Variants in MORC1 observed in about 807,000 individuals in gnomAD.
The protein encoded by MORC1 is MORC family CW-type zinc finger 1.
A neutral mutation model predicts 134.9 loss-of-function variants in MORC1; 59 were observed. The ratio of observed to expected loss-of-function variants is 0.44; its 90% CI spans 0.35 to 0.54. The LOEUF (loss-of-function observed/expected upper bound fraction) is 0.54. MORC1 is among the 20% of genes least tolerant of loss of function. The pLI, the probability that MORC1 is intolerant of heterozygous loss-of-function variation, is 0.00. For missense variants in MORC1, 947 were observed against 1,134.5 expected (o/e 0.83, Z 2.37); for synonymous variants, 395 against 391.7 (o/e 1.01, Z -0.10).
intron 12 of MORC1, among the ~76,000 whole-genome samples, chr3:109,058,447 C>G (rs1434483890): frequency 2.0e-5 from 3 of 152,142 alleles, no homozygotes; most frequent in Non-Finnish European, 4.4e-5. Context: ...GCTCCCCTCT[C>G]TCCACAAACT....
intron 8 of MORC1, among the ~76,000 whole-genome samples, chr3:109,092,323 G>A: frequency 6.6e-6 from 1 of 152,210 alleles, no homozygotes; most frequent in East Asian, 1.9e-4. Context: ...GCAATAAGGA[G>A]AGAAGGTAAT....
At chr3:109,085,922 T>C (rs1415491708) in intron 8 of MORC1, among the ~76,000 whole-genome samples, 1 of 152,084 alleles carries the variant, frequency 6.6e-6, no homozygotes, top group Non-Finnish European at 1.5e-5. Context: ...TAAAAAAGTA[T>C]GAAATCCTGT....
At chr3:109,078,284 A>T (rs1950459926) in intron 8 of MORC1, among the ~76,000 whole-genome samples, 2 of 152,070 alleles carry the variant, frequency 1.3e-5, no homozygotes, top group African/African-American at 4.8e-5. Context: ...AATGTTTAAG[A>T]CATAAGCCCA....
Position 109,060,002 on chromosome 3 carries a change from T to C in MORC1, c.967-132A>G, listed in dbSNP as rs116731292. 1,071 of 670,938 alleles carry C rather than the reference T, an allele frequency of 1.6e-3. 20 individuals are homozygous for C. The African/African-American group carries it at 0.018, about 11-fold the overall frequency. The allele number at this position is 670,938 out of a possible 1,614,324, so 41.6% of individuals were successfully genotyped here. A position where few individuals can be genotyped will look rare whatever the true frequency, so the allele number is the denominator to read the frequency against. On this transcript the variant is annotated intron_variant, in intron 11 of 27. Transcript: ENST00000232603. Reference sequence around the variant, plus strand: ...ATTACCTAATGCAATTCTACCATCATAGATTCTCAATACTTGATAAATTAT... The same window carrying C: ...ATTACCTAATGCAATTCTACCATCACAGATTCTCAATACTTGATAAATTAT...
At chr3:109,085,094 G>T (rs1286476109) in intron 8 of MORC1, among the ~76,000 whole-genome samples, 3 of 151,856 alleles carry the variant, frequency 2.0e-5, no homozygotes, top group Admixed American at 1.3e-4. Context: ...AAATTGATCT[G>T]GGCAAAGGGG....
At chr3:109,100,900 G>T (rs1950913328) in intron 4 of MORC1, among the ~76,000 whole-genome samples, 1 of 152,258 alleles carries the variant, frequency 6.6e-6, no homozygotes, top group Non-Finnish European at 1.5e-5. Flanking sequence ...AAAGTATACA[G>T]GAGGATATAT....
At chr3:109,108,130 A>G (rs1248916755) in intron 3 of MORC1, among the ~76,000 whole-genome samples, 1 of 152,186 alleles carries the variant, frequency 6.6e-6, no homozygotes, top group Non-Finnish European at 1.5e-5. Flanking sequence ...CGGAGGTTGC[A>G]ATGAGCCGAG....
intron 20 of MORC1, among the ~76,000 whole-genome samples, chr3:109,004,080 AATAAG>A (rs1948479074): frequency 1.3e-5 from 2 of 152,018 alleles, no homozygotes; most frequent in South Asian, 2.1e-4. Context: ...AAAAAATAAG[AATAAG>A]AATAAGAATA....
chr3:109,049,472 G>A (rs1031977013), intron 14 of MORC1, among the ~76,000 whole-genome samples: 2 of 152,096 alleles, frequency 1.3e-5, no homozygotes, highest in Non-Finnish European at 2.9e-5. Flanking sequence ...TGAAGTCATA[G>A]AGAAAATACT....
intron 21 of MORC1, among the ~76,000 whole-genome samples, chr3:108,992,459 T>C (rs1948090461): frequency 6.6e-6 from 1 of 152,196 alleles, no homozygotes; most frequent in Non-Finnish European, 1.5e-5. Context: ...TATTTACTCT[T>C]ACTACTGTCA....
intron 14 of MORC1, among the ~76,000 whole-genome samples, chr3:109,041,979 T>C (rs1949564827): frequency 6.6e-6 from 1 of 151,454 alleles, no homozygotes; most frequent in Non-Finnish European, 1.5e-5. Context: ...GAACAGAGCC[T>C]AAGAACTAGA....
chr3:109,074,352 A>G (rs564008525), intron 8 of MORC1, among the ~76,000 whole-genome samples: 5 of 152,196 alleles, frequency 3.3e-5, no homozygotes, highest in Admixed American at 6.5e-5. Flanking sequence ...TAATATTTGT[A>G]ATGTTTTGAA....
chr3:108,975,830 G>C (rs1459506496), intron 24 of MORC1, among the ~76,000 whole-genome samples: 1 of 151,834 alleles, frequency 6.6e-6, no homozygotes, highest in Non-Finnish European at 1.5e-5. Flanking sequence ...CAATGTTTAG[G>C]ATCATCTGAT....
chr3:109,081,856 T>C (rs1052330790), intron 8 of MORC1, among the ~76,000 whole-genome samples: 9 of 152,068 alleles, frequency 5.9e-5, no homozygotes, highest in Admixed American at 2.0e-4. Flanking sequence ...CCAGAAAAAG[T>C]GAGAGCAAGG....
chr3:108,990,609 A>G (rs1245585191), intron 21 of MORC1, among the ~76,000 whole-genome samples: 2 of 152,170 alleles, frequency 1.3e-5, no homozygotes. Flanking sequence ...ACTTGTCATT[A>G]TCTACCATAC....
intron 8 of MORC1, among the ~76,000 whole-genome samples, chr3:109,091,727 A>G (rs1205224285): frequency 6.6e-6 from 1 of 152,124 alleles, no homozygotes; most frequent in African/African-American, 2.4e-5. Flanking sequence ...ATTCCTCCTT[A>G]TAAAATCCTA....
At chr3:109,111,623 G>T (rs915042592) in intron 2 of MORC1, among the ~76,000 whole-genome samples, 1 of 152,220 alleles carries the variant, frequency 6.6e-6, no homozygotes, top group Admixed American at 6.5e-5. Flanking sequence ...TATCGAGGGT[G>T]TGAGAGAAAG....
At chr3:108,959,928 T>C (rs1164927087) in intron 27 of MORC1, among the ~76,000 whole-genome samples, 3 of 152,108 alleles carry the variant, frequency 2.0e-5, no homozygotes, top group Admixed American at 1.3e-4. Flanking sequence ...GGTGGAAGAA[T>C]GGTAAAATCA....
At chr3:109,110,856 G>T in intron 2 of MORC1, 73 bp from the exon 3 acceptor site, 1 of 1,133,200 alleles carries the variant, frequency 8.8e-7, no homozygotes, top group Non-Finnish European at 1.2e-6. Flanking sequence ...CCTATTGTCA[G>T]ATATCAAACA....
Sources: allele counts gnomAD v4.1 joint callset (sites outside exome capture counted in the v4.1 genomes callset), GRCh38; gene constraint gnomAD v4.1.1; transcripts MANE v1.5; gene names NCBI Gene and HGNC (gene_info 2026-07-23, HGNC 2026-07-21).